MAP7: variants seen among roughly 807,000 people sequenced by gnomAD.
MAP7 encodes microtubule associated protein 7, also known as ensconsin.
A neutral mutation model predicts 94.8 loss-of-function variants in MAP7; 52 were observed. The observed-to-expected ratio is 0.55, with a 90% CI of 0.44 to 0.69. The LOEUF (loss-of-function observed/expected upper bound fraction) is 0.69, where lower values mean the gene tolerates loss of function less well. Among genes scored for constraint, MAP7 ranks in the 30% least tolerant of loss-of-function variants. The pLI, the probability that MAP7 is intolerant of heterozygous loss-of-function variation, is 0.00. For missense variants in MAP7, 940 were observed against 964.6 expected (o/e 0.97, Z 0.34); for synonymous variants, 350 against 357.0 (o/e 0.98, Z 0.22).
intron 1 of MAP7, among the ~76,000 whole-genome samples, chr6:136,468,242 CTGGAT>C (rs1374335698): frequency 2.8e-4 from 43 of 152,156 alleles, no homozygotes; most frequent in Middle Eastern, 3.4e-3. Context: ...ACATTATAGA[CTGGAT>C]AATTCTTTGT....
chr6:136,377,293 A>G (rs1776453926), intron 7 of MAP7, among the ~76,000 whole-genome samples: 1 of 152,240 alleles, frequency 6.6e-6, no homozygotes, highest in South Asian at 2.1e-4. Context: ...GATTACATAT[A>G]AAAGAATGGC....
intron 1 of MAP7, 89 bp from the exon 2 acceptor site, chr6:136,421,888 C>A (rs1362019930): frequency 4.1e-6 from 4 of 972,554 alleles, no homozygotes; most frequent in Non-Finnish European, 6.1e-6. Flanking sequence ...TACTGTTAAC[C>A]TATGTACCAG....
Position 136,542,033 on chromosome 6 carries a change from T to G in MAP7, c.67+8309A>C, listed in dbSNP as rs556311005. On this transcript the variant is annotated intron_variant, in intron 1 of 17. Coordinates refer to ENST00000354570, the MANE Select transcript of MAP7 (RefSeq NM_003980.6). The stretch of plus-strand genomic sequence containing the variant: ...AAGTTCGTGCCACTGCACTCCAGCC[T>G]GGGCAACACAGCGAGACTCTGTCTC... Among the ~76,000 whole-genome samples the G allele has an allele frequency of 5.9e-5, 9 of 152,304 alleles. No individual in the cohort carries two copies. The South Asian group carries it at 1.9e-3, about 32-fold the overall frequency.
At chr6:136,470,918 A>C (rs1808767762) in intron 1 of MAP7, among the ~76,000 whole-genome samples, 1 of 152,172 alleles carries the variant, frequency 6.6e-6, no homozygotes, top group Non-Finnish European at 1.5e-5. Flanking sequence ...GCAGAGTTTC[A>C]CATATTTTAC....
At chr6:136,449,018 A>AAATG (rs1554257989) in intron 1 of MAP7, among the ~76,000 whole-genome samples, 1 of 143,600 alleles carries the variant, frequency 7.0e-6, no homozygotes, top group Non-Finnish European at 1.5e-5. Context: ...AAAAAAAAAA[A>AAATG]AAGAAGCAAG....
chr6:136,484,527 G>A (rs557243274), intron 1 of MAP7, among the ~76,000 whole-genome samples: 4 of 152,104 alleles, frequency 2.6e-5, no homozygotes, highest in Non-Finnish European at 4.4e-5. Context: ...AGAATTCCTC[G>A]GCTTTCTTCA....
chr6:136,456,779 A>G (rs1383815487), intron 1 of MAP7, among the ~76,000 whole-genome samples: 129 of 69,434 alleles, frequency 1.9e-3, no homozygotes, highest in African/African-American at 5.0e-3. Flanking sequence ...AAGAAGAAGA[A>G]GAAGAAGAAG....
intron 1 of MAP7, among the ~76,000 whole-genome samples, chr6:136,454,529 C>T (rs1802238442): frequency 6.6e-6 from 1 of 151,972 alleles, no homozygotes; most frequent in African/African-American, 2.4e-5. Context: ...AACTCCTGGG[C>T]TCAAGCGACC....
intron 1 of MAP7, among the ~76,000 whole-genome samples, chr6:136,489,521 G>C (rs1562456471): frequency 1.4e-5 from 2 of 142,612 alleles, no homozygotes; most frequent in African/African-American, 5.4e-5. Context: ...TGTAACATCA[G>C]GTTTCTTTTT....
intron 2 of MAP7, among the ~76,000 whole-genome samples, chr6:136,413,430 G>A (rs1788141645): frequency 6.6e-6 from 1 of 151,198 alleles, no homozygotes; most frequent in Non-Finnish European, 1.5e-5. Flanking sequence ...GCTGGGGCAG[G>A]AGAATCGCTT....
chr6:136,481,841 T>C (rs1812931843), intron 1 of MAP7, among the ~76,000 whole-genome samples: 1 of 152,212 alleles, frequency 6.6e-6, no homozygotes, highest in South Asian at 2.1e-4. Context: ...TGATTATGTA[T>C]TATATGCCTG....
chr6:136,346,631 A>G (rs558263185), intron 16 of MAP7, among the ~76,000 whole-genome samples: 50 of 152,364 alleles, frequency 3.3e-4, no homozygotes, highest in African/African-American at 1.2e-3. Context: ...CAATTTATCA[A>G]TTACAACAGA....
chr6:136,355,969 C>A (rs898916003), intron 16 of MAP7, among the ~76,000 whole-genome samples: 3 of 152,178 alleles, frequency 2.0e-5, no homozygotes, highest in Non-Finnish European at 4.4e-5. Context: ...TAGCAACTGT[C>A]TGGTTCTTCA....
At chr6:136,391,491 T>C (rs1191674643) in intron 3 of MAP7, among the ~76,000 whole-genome samples, 1 of 150,676 alleles carries the variant, frequency 6.6e-6, no homozygotes, top group East Asian at 1.9e-4. Flanking sequence ...GCATGGCACA[T>C]GTATACATAT....
chr6:136,526,683 G>C (rs1231015030), intron 1 of MAP7: 1 of 985,368 alleles, frequency 1.0e-6, no homozygotes, highest in Non-Finnish European at 1.2e-6. Context: ...AGTTTTGCTT[G>C]CACAAGCAGC....
intron 1 of MAP7, among the ~76,000 whole-genome samples, chr6:136,442,632 T>C (rs1046629539): frequency 6.6e-6 from 1 of 152,114 alleles, no homozygotes; most frequent in Non-Finnish European, 1.5e-5. Flanking sequence ...TTGATGTACA[T>C]CTCTGGTTTA....
intron 3 of MAP7, among the ~76,000 whole-genome samples, chr6:136,391,550 AT>A (rs1389080865): frequency 1.2e-5 from 1 of 84,298 alleles, no homozygotes; most frequent in Non-Finnish European, 2.4e-5. Flanking sequence ...TTAGAGTATA[AT>A]AAAAAACAAC....
At chr6:136,444,321 C>T (rs3778307) in intron 1 of MAP7, among the ~76,000 whole-genome samples, 114,138 of 152,104 alleles carry the variant, frequency 0.75, 44,229 homozygotes, top group Middle Eastern at 0.85. Context: ...AAACAAGCAT[C>T]ATACTTGAAT....
chr6:136,373,939 C>A (rs950904869), intron 7 of MAP7, among the ~76,000 whole-genome samples: 6 of 152,182 alleles, frequency 3.9e-5, no homozygotes, highest in Middle Eastern at 3.2e-3. Context: ...AAATGCCTGG[C>A]AGTATCTTCT....
Sources: gnomAD v4.1 joint callset for allele counts (sites outside exome capture counted in the v4.1 genomes callset) on GRCh38, gnomAD v4.1.1 for gene constraint, MANE v1.5 for transcripts, NCBI Gene and HGNC (gene_info 2026-07-23, HGNC 2026-07-21) for gene names.